The following BMPR2 variants were observed in gnomAD, a reference collection of about 807,000 sequenced individuals.
BMPR2 encodes the protein bone morphogenetic protein receptor type-2.
Under a neutral mutation model 100.8 loss-of-function variants are expected in BMPR2, and 29 were observed. The observed-to-expected ratio is 0.29, with a 90% confidence interval of 0.21 to 0.39. The LOEUF (loss-of-function observed/expected upper bound fraction) is 0.39, where lower values mean the gene tolerates loss of function less well. Among genes scored for constraint, BMPR2 ranks in the 10% least tolerant of loss-of-function variants. The probability of loss-of-function intolerance (pLI) is 1.00; values close to 1 mark genes in which losing one functional copy is unlikely to be tolerated. For missense variants in BMPR2, 1,011 were observed against 1,274.5 expected (o/e 0.79, Z 3.15); for synonymous variants, 382 against 442.3 (o/e 0.86, Z 1.71).
intron 12 of BMPR2, among the ~76,000 whole-genome samples, chr2:202,558,250 T>C (rs1164341578): frequency 6.6e-6 from 1 of 152,076 alleles, no homozygotes; most frequent in Non-Finnish European, 1.5e-5. Context: ...GTAGCTGGGA[T>C]TACAGACATG....
intron 1 of BMPR2, among the ~76,000 whole-genome samples, chr2:202,393,067 T>G (rs1433699521): frequency 6.6e-6 from 1 of 151,768 alleles, no homozygotes; most frequent in African/African-American, 2.4e-5. Context: ...TTAAAATGGC[T>G]CAGCATGTAC....
chr2:202,444,364 T>C (rs1691808445), intron 1 of BMPR2, among the ~76,000 whole-genome samples: 1 of 150,740 alleles, frequency 6.6e-6, no homozygotes, highest in African/African-American at 2.5e-5. Context: ...AGAAAATTTA[T>C]TTTTGAAATA....
intron 3 of BMPR2, among the ~76,000 whole-genome samples, chr2:202,511,054 C>G (rs1051821186): frequency 5.3e-5 from 8 of 150,416 alleles, no homozygotes; most frequent in African/African-American, 2.0e-4. Context: ...ATGTACCACT[C>G]AACACATTCA....
rs941885173 is a variant in BMPR2, at chr2:202,378,940, A to T, written c.76+1390A>T. ...TATTTGTTATTCTTAACCTTTTTAGAATATAGATTCTCATTTATGATGACG... is the reference window on the plus strand; with the variant it reads ...TATTTGTTATTCTTAACCTTTTTAGTATATAGATTCTCATTTATGATGACG... On this transcript the variant is annotated intron_variant, in intron 1 of 12. Transcript: ENST00000374580. Among the ~76,000 whole-genome samples the T allele has an allele frequency of 2.0e-5, 3 of 152,298 alleles. No homozygotes were observed. In the East Asian group the frequency reaches 5.8e-4, roughly 29 times the overall value.
At chr2:202,404,000 C>T (rs1215688171) in intron 1 of BMPR2, among the ~76,000 whole-genome samples, 3 of 135,740 alleles carry the variant, frequency 2.2e-5, no homozygotes, top group Admixed American at 1.5e-4. Context: ...AGCAAAACTC[C>T]GTCTCAAAAA....
chr2:202,465,575 C>G (rs375958886), intron 2 of BMPR2, among the ~76,000 whole-genome samples: 1 of 151,976 alleles, frequency 6.6e-6, no homozygotes, highest in Admixed American at 6.6e-5. Flanking sequence ...AATATTTTTA[C>G]TGGCCGGGCG....
At chr2:202,537,480 A>T (rs1688182668) in intron 9 of BMPR2, among the ~76,000 whole-genome samples, 2 of 152,222 alleles carry the variant, frequency 1.3e-5, no homozygotes, top group African/African-American at 4.8e-5. Context: ...GGATTAATTA[A>T]AATAGAAATA....
chr2:202,407,043 G>A (rs865871713), intron 1 of BMPR2, among the ~76,000 whole-genome samples: 1 of 151,616 alleles, frequency 6.6e-6, no homozygotes, highest in Admixed American at 6.6e-5. Context: ...TGCTTCCTAG[G>A]CTCAAGTGAT....
rs185824819 is a variant in BMPR2 at position 202,473,652 on chromosome 2, G to T, written c.418+5963G>T. 2.0e-5 allele frequency among the ~76,000 whole-genome samples: 3 copies of T among 152,112 alleles called. No individual in the cohort carries two copies. In the East Asian group the frequency reaches 5.8e-4, roughly 30 times the overall value. Reference sequence around the variant, plus strand: ...TAAAAATAGAAAAAATTAGCTGGGTGTGGTAGTGGGCGCCTGTAATCCCAC... The same window carrying T: ...TAAAAATAGAAAAAATTAGCTGGGTTTGGTAGTGGGCGCCTGTAATCCCAC... On this transcript the variant is annotated intron_variant, in intron 3 of 12. Coordinates refer to ENST00000374580, the MANE Select transcript of BMPR2 (RefSeq NM_001204.7).
chr2:202,520,375 T>C, intron 7 of BMPR2, 174 bp downstream of exon 7: 1 of 638,586 alleles, frequency 1.6e-6, no homozygotes, highest in Non-Finnish European at 2.7e-6. Context: ...GAAAGAGCTT[T>C]CCCACGCAGC....
intron 7 of BMPR2, among the ~76,000 whole-genome samples, chr2:202,525,440 G>T (rs191156740): frequency 6.6e-6 from 1 of 151,976 alleles, no homozygotes; most frequent in Non-Finnish European, 1.5e-5. Flanking sequence ...CAGGTGAGCC[G>T]CCCACCTCTG....
intron 1 of BMPR2, among the ~76,000 whole-genome samples, chr2:202,392,227 G>A (rs997805898): frequency 4.6e-5 from 7 of 151,908 alleles, no homozygotes; most frequent in African/African-American, 1.5e-4. Flanking sequence ...CTGCCATCAC[G>A]CCTGGCTGGT....
At chr2:202,486,718 A>G (rs1692786521) in intron 3 of BMPR2, among the ~76,000 whole-genome samples, 1 of 152,070 alleles carries the variant, frequency 6.6e-6, no homozygotes, top group Non-Finnish European at 1.5e-5. Context: ...TATATGGACC[A>G]TTCTACTTAG....
intron 1 of BMPR2, among the ~76,000 whole-genome samples, chr2:202,428,969 G>A (rs1270044951): frequency 6.6e-6 from 1 of 152,144 alleles, no homozygotes; most frequent in African/African-American, 2.4e-5. Context: ...AGATTTTGGG[G>A]TGGGTCCACA....
chr2:202,499,526 A>G (rs1292652837), intron 3 of BMPR2, among the ~76,000 whole-genome samples: 1 of 152,174 alleles, frequency 6.6e-6, no homozygotes, highest in Non-Finnish European at 1.5e-5. Context: ...AAAAAAGCCC[A>G]TGAATTATTC....
chr2:202,446,178 ATC>A (rs1691845173), intron 1 of BMPR2, among the ~76,000 whole-genome samples: 1 of 150,312 alleles, frequency 6.7e-6, no homozygotes, highest in Non-Finnish European at 1.5e-5. Context: ...AGGTGGGCGG[ATC>A]CCCTGAGGTT....
intron 1 of BMPR2, among the ~76,000 whole-genome samples, chr2:202,378,902 G>C (rs1262841910): frequency 6.6e-6 from 1 of 152,018 alleles, no homozygotes; most frequent in Admixed American, 6.6e-5. Context: ...TCAGAACATA[G>C]GCTTTTCAAT....
chr2:202,529,897 T>C (rs1471833291), intron 7 of BMPR2, among the ~76,000 whole-genome samples: 1 of 152,212 alleles, frequency 6.6e-6, no homozygotes, highest in East Asian at 1.9e-4. Context: ...AGCAGATATT[T>C]TAAATTTCAG....
At chr2:202,460,064 A>G (rs1014852889) in intron 1 of BMPR2, among the ~76,000 whole-genome samples, 7 of 152,238 alleles carry the variant, frequency 4.6e-5, no homozygotes, top group African/African-American at 1.7e-4. Flanking sequence ...ACGATATATC[A>G]TCTCACACTG....
Sources: gnomAD v4.1 joint callset for allele counts (sites outside exome capture counted in the v4.1 genomes callset) on GRCh38, gnomAD v4.1.1 for gene constraint, MANE v1.5 for transcripts, NCBI Gene and HGNC (gene_info 2026-07-23, HGNC 2026-07-21) for gene names.